Variants in SNX29 observed in about 807,000 individuals in gnomAD.
SNX29 encodes sorting nexin 29.
Under a neutral mutation model 102.1 loss-of-function variants are expected in SNX29, and 78 were observed. The ratio of observed to expected loss-of-function variants is 0.76; its 90% CI spans 0.64 to 0.92. The LOEUF is 0.92. SNX29 is among the 40% of genes least tolerant of loss of function. The pLI is 0.00. For synonymous variants in SNX29, 580 were observed against 414.5 expected (o/e 1.40, Z -4.85); for missense variants, 1,280 against 1,061.7 (o/e 1.21, Z -2.86).
At chr16:12,297,768 A>G (rs1315925166) in intron 15 of SNX29, among the ~76,000 whole-genome samples, 1 of 152,170 alleles carries the variant, frequency 6.6e-6, no homozygotes, top group Non-Finnish European at 1.5e-5. Context: ...GCTGCGGAAT[A>G]TCGTTGATTG....
At chr16:12,044,755 T>G (rs1047447434) in intron 5 of SNX29, among the ~76,000 whole-genome samples, 11 of 152,180 alleles carry the variant, frequency 7.2e-5, no homozygotes, top group Non-Finnish European at 2.9e-5. Context: ...ATTTTTTGTA[T>G]TTTTAGTAGA....
At chr16:12,222,013 G>C (rs1397874791) in intron 14 of SNX29, among the ~76,000 whole-genome samples, 1 of 152,218 alleles carries the variant, frequency 6.6e-6, no homozygotes, top group African/African-American at 2.4e-5. Flanking sequence ...AGGTAGAGAG[G>C]ATGATAAAGA....
chr16:12,525,238 T>C (rs1368135192), intron 20 of SNX29, among the ~76,000 whole-genome samples: 1 of 152,050 alleles, frequency 6.6e-6, no homozygotes, highest in African/African-American at 2.4e-5. Flanking sequence ...CCCAGACTCC[T>C]ACCAGTATTG....
At chr16:12,077,139 TGTG>T (rs2051614275) in intron 10 of SNX29, among the ~76,000 whole-genome samples, 1 of 152,012 alleles carries the variant, frequency 6.6e-6, no homozygotes, top group Admixed American at 6.6e-5. Flanking sequence ...ATTATCCAGA[TGTG>T]GTGGTGCATG....
chr16:12,103,750 C>A (rs967658362), intron 11 of SNX29, among the ~76,000 whole-genome samples: 1 of 152,198 alleles, frequency 6.6e-6, no homozygotes, highest in Admixed American at 6.5e-5. Flanking sequence ...TCAGAGTGAA[C>A]AGGCAACCCA....
chr16:12,371,422 G>A (rs903363499), intron 16 of SNX29, among the ~76,000 whole-genome samples: 3 of 152,048 alleles, frequency 2.0e-5, no homozygotes, highest in African/African-American at 4.8e-5. Flanking sequence ...TTCAGGCTCC[G>A]GAGAAGCTGG....
At chr16:12,204,934 C>A (rs2052081416) in intron 14 of SNX29, among the ~76,000 whole-genome samples, 1 of 152,084 alleles carries the variant, frequency 6.6e-6, no homozygotes, top group African/African-American at 2.4e-5. Flanking sequence ...TTCCCAGCTC[C>A]ACACCCATGT....
chr16:12,391,544 A>G (rs1377710648), intron 16 of SNX29, among the ~76,000 whole-genome samples: 1 of 152,250 alleles, frequency 6.6e-6, no homozygotes, highest in East Asian at 1.9e-4. Context: ...GAACACATGT[A>G]TACCTACCAC....
At chr16:12,544,164 G>A (rs951478327) in intron 20 of SNX29, among the ~76,000 whole-genome samples, 5 of 152,180 alleles carry the variant, frequency 3.3e-5, no homozygotes, top group African/African-American at 9.7e-5. Flanking sequence ...TAAGAACACG[G>A]GATGGGAATC....
chr16:12,220,782 C>T (rs775106130), intron 14 of SNX29, among the ~76,000 whole-genome samples: 2 of 151,880 alleles, frequency 1.3e-5, no homozygotes, highest in South Asian at 2.1e-4. Flanking sequence ...TGAAATTATC[C>T]GTCATTAGAT....
chr16:12,408,337 C>G (rs539795972), intron 18 of SNX29, among the ~76,000 whole-genome samples: 74 of 152,350 alleles, frequency 4.9e-4, no homozygotes, highest in African/African-American at 1.6e-3. Flanking sequence ...TAGGACCTCT[C>G]TGGGTCCACT....
intron 19 of SNX29, among the ~76,000 whole-genome samples, chr16:12,519,880 C>CT (rs1488026988): frequency 2.0e-5 from 3 of 151,926 alleles, no homozygotes; most frequent in African/African-American, 7.3e-5. Flanking sequence ...TGGTGGTGTG[C>CT]CCCTGTAGTC....
chr16:12,115,237 G>T (rs969334048), intron 11 of SNX29, among the ~76,000 whole-genome samples: 47 of 151,930 alleles, frequency 3.1e-4, no homozygotes, highest in African/African-American at 1.1e-3. Flanking sequence ...CTTCTTCTTG[G>T]CTGGGAATCC....
chr16:12,437,366 C>T (rs954949345), intron 18 of SNX29, among the ~76,000 whole-genome samples: 8 of 152,216 alleles, frequency 5.3e-5, no homozygotes, highest in African/African-American at 1.4e-4. Context: ...CCCTGCCCAC[C>T]GCATTCCCTG....
chr16:12,125,814 A>T lies in SNX29; in HGVS notation c.1403-819A>T, dbSNP rs114778022. On this transcript the variant is annotated intron_variant, in intron 11 of 20. Transcript: ENST00000566228. ...GCCAGGCAAGCATTGCTGTCTCTCAAACTTCCTGGGAAACAGTTTTTTCCT... is the reference window on the plus strand; with the variant it reads ...GCCAGGCAAGCATTGCTGTCTCTCATACTTCCTGGGAAACAGTTTTTTCCT... Among the ~76,000 whole-genome samples the T allele has an allele frequency of 7.7e-3, 1,172 of 151,748 alleles. 22 individuals are homozygous for T. Among genetic ancestry groups the T allele is most frequent in the African/African-American group, 0.027 (1,125 of 41,410 alleles).
intron 12 of SNX29, among the ~76,000 whole-genome samples, chr16:12,128,088 C>T (rs530600923): frequency 2.6e-5 from 4 of 152,278 alleles, no homozygotes; most frequent in African/African-American, 9.6e-5. Context: ...TAAAAGCAAA[C>T]AAACATGATT....
At chr16:12,009,108 G>A (rs1305803012) in intron 3 of SNX29, among the ~76,000 whole-genome samples, 2 of 152,126 alleles carry the variant, frequency 1.3e-5, no homozygotes, top group Non-Finnish European at 2.9e-5. Flanking sequence ...CAACTGTGAT[G>A]GAGCTTTCCA....
intron 11 of SNX29, among the ~76,000 whole-genome samples, chr16:12,091,650 G>A (rs1480861734): frequency 6.6e-6 from 1 of 151,880 alleles, no homozygotes; most frequent in Non-Finnish European, 1.5e-5. Flanking sequence ...ACTTGGTGGT[G>A]CGTGCCTGTT....
rs145402848 is a variant in SNX29, at chr16:12,488,769, T to C, written c.2178+10910T>C. ...CTTGCAGGAATTTCCATGAAGACTC[T>C]GCCTTAGTTGTTCCTGGTGACAAAG... On this transcript the variant is annotated intron_variant, in intron 19 of 20. Transcript: ENST00000566228. Among the ~76,000 whole-genome samples, 198 of 152,346 alleles carry C rather than the reference T, an allele frequency of 1.3e-3. 3 individuals are homozygous for C. In the East Asian group the frequency reaches 0.028, roughly 22 times the overall value.
Sources: gnomAD v4.1 joint callset for allele counts (sites outside exome capture counted in the v4.1 genomes callset) on GRCh38, gnomAD v4.1.1 for gene constraint, MANE v1.5 for transcripts, NCBI Gene and HGNC (gene_info 2026-07-23, HGNC 2026-07-21) for gene names.